RAB5C: variants seen among roughly 807,000 people sequenced by gnomAD.
RAB5C encodes the protein ras-related protein Rab-5C.
In RAB5C, 4 loss-of-function variants were observed where a neutral mutation model predicts 25.2. The observed-to-expected ratio is 0.16, with a 90% CI of 0.08 to 0.36. RAB5C has a LOEUF of 0.36. Ranked by LOEUF, RAB5C falls within the 10% of genes least tolerant of loss-of-function variation. The probability of loss-of-function intolerance (pLI) is 1.00; values close to 1 mark genes in which losing one functional copy is unlikely to be tolerated. For synonymous variants in RAB5C, 100 were observed against 106.4 expected, an observed-to-expected ratio of 0.94 and a Z score of 0.37; for missense variants, 199 against 283.8, an observed-to-expected ratio of 0.70 and a Z score of 2.15.
chr17:42,150,195 T>C (rs1461816459), intron 1 of RAB5C, among the ~76,000 whole-genome samples: 2 of 151,832 alleles, frequency 1.3e-5, no homozygotes, highest in African/African-American at 4.8e-5. Flanking sequence ...CCCAAGCTGG[T>C]CTTGAACTCC....
At chr17:42,141,305 TGA>T (rs972754165) in intron 1 of RAB5C, among the ~76,000 whole-genome samples, 3 of 152,060 alleles carry the variant, frequency 2.0e-5, no homozygotes, top group African/African-American at 7.2e-5. Flanking sequence ...CTGAGGGTTG[TGA>T]GAGAGAAAGC....
At chr17:42,143,965 T>C (rs1209681146) in intron 1 of RAB5C, among the ~76,000 whole-genome samples, 1 of 151,920 alleles carries the variant, frequency 6.6e-6, no homozygotes, top group African/African-American at 2.4e-5. Flanking sequence ...TTTGTATTTT[T>C]AGTAGAGATA....
intron 1 of RAB5C, among the ~76,000 whole-genome samples, chr17:42,153,833 T>G (rs2079688009): frequency 6.6e-6 from 1 of 152,228 alleles, no homozygotes; most frequent in African/African-American, 2.4e-5. Flanking sequence ...GTATCGGAAT[T>G]CCTCAGGCTA....
chr17:42,125,540 C>T lies in RAB5C; in HGVS notation c.*243G>A. On this transcript the variant is annotated 3_prime_UTR_variant, in exon 6 of 6. Coordinates refer to ENST00000346213, the MANE Select transcript of RAB5C (RefSeq NM_004583.4). ...TAGAAAGGGGAGGAAGTGGGAAGAG[C>T]AGAAGATCATATATATTAAAAAAGT... The T allele has an allele frequency of 4.3e-6, 2 of 460,896 alleles. No individual in the cohort carries two copies. The highest frequency in any genetic ancestry group is 7.8e-6 in the Non-Finnish European group (2 of 256,698). The allele number at this position is 460,896 out of a possible 1,614,324, so 28.6% of individuals were successfully genotyped here.
chr17:42,142,332 G>A (rs903961262), intron 1 of RAB5C, among the ~76,000 whole-genome samples: 5 of 152,176 alleles, frequency 3.3e-5, no homozygotes, highest in African/African-American at 1.2e-4. Context: ...ACCGCGCCCA[G>A]CCCACAAAGC....
intron 1 of RAB5C, among the ~76,000 whole-genome samples, chr17:42,138,683 T>G (rs1054002831): frequency 6.6e-6 from 1 of 152,210 alleles, no homozygotes; most frequent in East Asian, 1.9e-4. Context: ...AATCAGGCCC[T>G]GATGGGGTCC....
chr17:42,141,296 T>C (rs2079602022), intron 1 of RAB5C, among the ~76,000 whole-genome samples: 1 of 152,180 alleles, frequency 6.6e-6, no homozygotes, highest in Non-Finnish European at 1.5e-5. Flanking sequence ...CTTGGGGGAC[T>C]GAGGGTTGTG....
At chr17:42,128,082 G>A (rs2054446214) in intron 4 of RAB5C, among the ~76,000 whole-genome samples, 179 bp downstream of exon 4, 1 of 152,168 alleles carries the variant, frequency 6.6e-6, no homozygotes, top group Non-Finnish European at 1.5e-5. Context: ...AGCCTCCCAA[G>A]GCACTGGGAT....
Position 42,154,938 on chromosome 17 carries a change from G to C in RAB5C, c.-134C>G, listed in dbSNP as rs1020719817. 1 of 152,342 alleles carries C rather than the reference G, an allele frequency of 6.6e-6. No homozygotes were observed. Among genetic ancestry groups the C allele is most frequent in the African/African-American group, 2.4e-5 (1 of 41,468 alleles). The allele number at this position is 152,342 out of a possible 1,614,324, so 9.4% of individuals were successfully genotyped here. On this transcript the variant is annotated 5_prime_UTR_variant, in exon 1 of 6. Transcript: ENST00000346213. The stretch of plus-strand genomic sequence containing the variant: ...GTTACTTGGGGCCGGGGCTCGGACG[G>C]GATCCGCTTCTCTCCCCGCCGGCGG...
chr17:42,152,009 C>T (rs145497458), intron 1 of RAB5C, among the ~76,000 whole-genome samples: 20 of 152,164 alleles, frequency 1.3e-4, no homozygotes, highest in Non-Finnish European at 2.8e-4. Flanking sequence ...TCACATCTGA[C>T]CCCAAATCCA....
chr17:42,145,852 G>A (rs1431633261), intron 1 of RAB5C, among the ~76,000 whole-genome samples: 1 of 152,092 alleles, frequency 6.6e-6, no homozygotes, highest in African/African-American at 2.4e-5. Flanking sequence ...CTCCAGCCCA[G>A]GCTGGAGCAC....
chr17:42,131,370 A>C (rs2054483762), intron 1 of RAB5C, among the ~76,000 whole-genome samples: 1 of 152,068 alleles, frequency 6.6e-6, no homozygotes, highest in Non-Finnish European at 1.5e-5. Flanking sequence ...ACATAGTAAA[A>C]CACACACCGA....
intron 1 of RAB5C, among the ~76,000 whole-genome samples, chr17:42,135,319 G>A (rs1257064538): frequency 6.7e-6 from 1 of 148,170 alleles, no homozygotes; most frequent in African/African-American, 2.5e-5. Flanking sequence ...GAGCAGTGAT[G>A]CAATCACGAT....
intron 1 of RAB5C, among the ~76,000 whole-genome samples, chr17:42,145,129 C>T (rs540871841): frequency 4.6e-5 from 7 of 151,704 alleles, no homozygotes; most frequent in Admixed American, 3.9e-4. Context: ...GCCGAGATTG[C>T]GCCACTGCAC....
At chr17:42,131,857 T>C (rs1263873361) in intron 1 of RAB5C, 1 of 478,836 alleles carries the variant, frequency 2.1e-6, no homozygotes, top group Non-Finnish European at 3.8e-6. Context: ...ATCAGACATA[T>C]ACATCTGATG....
chr17:42,131,619 C>G, intron 1 of RAB5C: 1 of 1,534,410 alleles, frequency 6.5e-7, no homozygotes, highest in Non-Finnish European at 8.7e-7. Context: ...CAGTTCCATT[C>G]TCTACTGGCA....
At chr17:42,153,174 G>GGGA (rs1483947109) in intron 1 of RAB5C, among the ~76,000 whole-genome samples, 1 of 152,174 alleles carries the variant, frequency 6.6e-6, no homozygotes, top group Non-Finnish European at 1.5e-5. Context: ...TCAGCACTTT[G>GGGA]GGAGGCTGAG....
chr17:42,149,230 G>A, intron 1 of RAB5C, among the ~76,000 whole-genome samples: 1 of 152,248 alleles, frequency 6.6e-6, no homozygotes, highest in African/African-American at 2.4e-5. Context: ...TCAAGTCAGG[G>A]GAGAGGAAAC....
At chr17:42,150,821 T>C (rs868145475) in intron 1 of RAB5C, among the ~76,000 whole-genome samples, 4 of 151,116 alleles carry the variant, frequency 2.6e-5, no homozygotes, top group African/African-American at 9.7e-5. Context: ...GCAGTGAGCC[T>C]GGGCAACAGA....
Sources: gnomAD v4.1 joint callset for allele counts (sites outside exome capture counted in the v4.1 genomes callset) on GRCh38, gnomAD v4.1.1 for gene constraint, MANE v1.5 for transcripts, NCBI Gene and HGNC (gene_info 2026-07-23, HGNC 2026-07-21) for gene names.